Variants in SNX24 observed in about 807,000 individuals in gnomAD.
The protein encoded by SNX24 is sorting nexin 24, also known as sorting nexin-24.
In SNX24, 22 loss-of-function variants were observed where a neutral mutation model predicts 28.7. The observed-to-expected ratio is 0.77, with a 90% CI of 0.55 to 1.10. The LOEUF (loss-of-function observed/expected upper bound fraction) is 1.10. SNX24 is among the 50% of genes least tolerant of loss of function. SNX24 has a pLI of 0.00. For synonymous variants in SNX24, 69 were observed against 71.5 expected (o/e 0.96, Z 0.18); for missense variants, 221 against 201.1 (o/e 1.10, Z -0.60).
intron 5 of SNX24, chr5:123,029,031 A>G: frequency 2.4e-6 from 2 of 822,794 alleles, no homozygotes; most frequent in African/African-American, 1.7e-5. Flanking sequence ...TCATTAGCTG[A>G]CCAAAAAATA....
chr5:122,930,660 G>C (rs529142947), intron 1 of SNX24, among the ~76,000 whole-genome samples: 21 of 152,146 alleles, frequency 1.4e-4, no homozygotes, highest in African/African-American at 4.8e-4. Flanking sequence ...TTTTGCTCTT[G>C]TTCTAATTTT....
intron 3 of SNX24, among the ~76,000 whole-genome samples, chr5:122,954,712 C>A (rs548588651): frequency 1.0e-5 from 1 of 97,400 alleles, no homozygotes; most frequent in Non-Finnish European, 1.9e-5. Flanking sequence ...TTCTTGTCTT[C>A]GTGGTTTCTG....
intron 3 of SNX24, among the ~76,000 whole-genome samples, chr5:122,977,857 A>G (rs941349190): frequency 6.6e-6 from 1 of 152,232 alleles, no homozygotes; most frequent in Non-Finnish European, 1.5e-5. Context: ...GGAATATCAC[A>G]AGGAAATTAC....
In SNX24 at chr5:122,853,115, C is replaced by CTT. The variant is rs10530519; in HGVS notation, c.60+7449_60+7450dup. Among the ~76,000 whole-genome samples, 61 of 71,618 alleles carry CTT rather than the reference C, an allele frequency of 8.5e-4. 2 individuals carry two copies. Among genetic ancestry groups the CTT allele is most frequent in the East Asian group, 1.4e-3 (3 of 2,086 alleles). 47.0% of individuals were successfully genotyped at this position (71,618 alleles called of 152,430 possible). On this transcript the variant is annotated intron_variant, in intron 1 of 6. Coordinates refer to ENST00000261369, the MANE Select transcript of SNX24 (RefSeq NM_014035.4). ...GCATGTGTAAAATATGTTCTTTAGC[C>CTT]TTTTTTTTTTTTTTTTTTTTTTTTT...
intron 3 of SNX24, among the ~76,000 whole-genome samples, chr5:122,958,172 A>T (rs773494489): frequency 9.9e-5 from 15 of 152,154 alleles, no homozygotes; most frequent in Non-Finnish European, 1.2e-4. Context: ...TAAATATATC[A>T]CATTTATTAT....
At chr5:122,901,303 A>G (rs572892395) in intron 1 of SNX24, among the ~76,000 whole-genome samples, 1 of 151,298 alleles carries the variant, frequency 6.6e-6, no homozygotes, top group South Asian at 2.1e-4. Context: ...TTTTCTTTTT[A>G]TTATTTATTT....
chr5:122,944,948 A>G (rs544279140), intron 2 of SNX24, among the ~76,000 whole-genome samples: 34 of 152,228 alleles, frequency 2.2e-4, no homozygotes, highest in Non-Finnish European at 3.8e-4. Flanking sequence ...TTAAAGAGGC[A>G]GTGCATTAGT....
chr5:123,016,023 A>G (rs1201784433), intron 5 of SNX24, among the ~76,000 whole-genome samples: 1 of 152,240 alleles, frequency 6.6e-6, no homozygotes, highest in East Asian at 1.9e-4. Context: ...ATACCTAGTT[A>G]TAGTAACTTT....
At chr5:122,931,757 C>T (rs1367441382) in intron 1 of SNX24, among the ~76,000 whole-genome samples, 2 of 151,980 alleles carry the variant, frequency 1.3e-5, no homozygotes, top group African/African-American at 2.4e-5. Flanking sequence ...GTATATAGAA[C>T]CCCCGTCTGT....
rs1261815162 is a variant in SNX24 at position 122,935,408 on chromosome 5, T to G, written c.61-1326T>G. 6.6e-5 allele frequency among the ~76,000 whole-genome samples: 10 copies of G among 152,254 alleles called. No homozygotes were observed. In the East Asian group the frequency reaches 1.7e-3, roughly 26 times the overall value. On this transcript the variant is annotated intron_variant, in intron 1 of 6. Transcript: ENST00000261369. ...AAAAATCTAAGAATATCTGAGAGTT[T>G]GAAGCATATGCATATGGTTTTAGAA...
chr5:122,898,869 C>T (rs908496128), intron 1 of SNX24, among the ~76,000 whole-genome samples: 4 of 152,172 alleles, frequency 2.6e-5, no homozygotes, highest in African/African-American at 9.7e-5. Flanking sequence ...CCTAAGCCGG[C>T]AGGCCAAATG....
chr5:122,922,876 G>A (rs776703393), intron 1 of SNX24, among the ~76,000 whole-genome samples: 27 of 152,156 alleles, frequency 1.8e-4, no homozygotes, highest in Non-Finnish European at 3.5e-4. Flanking sequence ...TTACTTCAGT[G>A]ATAGACTTCA....
chr5:122,994,644 C>A (rs1350190128), intron 3 of SNX24, among the ~76,000 whole-genome samples: 3 of 152,136 alleles, frequency 2.0e-5, no homozygotes, highest in African/African-American at 7.2e-5. Flanking sequence ...AAGAGCATTT[C>A]TTCTGAAGTA....
At chr5:122,958,532 G>A (rs1322612604) in intron 3 of SNX24, among the ~76,000 whole-genome samples, 1 of 151,972 alleles carries the variant, frequency 6.6e-6, no homozygotes, top group Non-Finnish European at 1.5e-5. Context: ...GGGATTACAG[G>A]CGTGTGAGCC....
chr5:122,969,089 T>G (rs926007955), intron 3 of SNX24, among the ~76,000 whole-genome samples: 1 of 152,172 alleles, frequency 6.6e-6, no homozygotes, highest in African/African-American at 2.4e-5. Context: ...TTAAGTAAAA[T>G]AGTGTAGTAA....
At chr5:122,931,483 G>A (rs945701746) in intron 1 of SNX24, among the ~76,000 whole-genome samples, 1 of 152,112 alleles carries the variant, frequency 6.6e-6, no homozygotes, top group African/African-American at 2.4e-5. Context: ...ACTTTTTATA[G>A]TGGAATAACA....
At chr5:122,959,843 G>A (rs1390529328) in intron 3 of SNX24, among the ~76,000 whole-genome samples, 3 of 152,018 alleles carry the variant, frequency 2.0e-5, no homozygotes, top group Non-Finnish European at 4.4e-5. Context: ...GTTTTGATAG[G>A]CAAAAGAAAG....
chr5:122,991,152 C>G (rs1437746481), intron 3 of SNX24, among the ~76,000 whole-genome samples: 1 of 152,124 alleles, frequency 6.6e-6, no homozygotes, highest in Non-Finnish European at 1.5e-5. Flanking sequence ...CCACTGCAGC[C>G]TCCCAAAGTG....
intron 3 of SNX24, among the ~76,000 whole-genome samples, chr5:122,978,801 G>T (rs1244780380): frequency 6.6e-6 from 1 of 152,148 alleles, no homozygotes; most frequent in Non-Finnish European, 1.5e-5. Flanking sequence ...TGAAAACCAA[G>T]ACTTAATAAG....
Sources: gnomAD v4.1 joint callset for allele counts (sites outside exome capture counted in the v4.1 genomes callset) on GRCh38, gnomAD v4.1.1 for gene constraint, MANE v1.5 for transcripts, NCBI Gene and HGNC (gene_info 2026-07-23, HGNC 2026-07-21) for gene names.